PTPRO: variants seen among roughly 807,000 people sequenced by gnomAD.
PTPRO encodes the protein protein tyrosine phosphatase receptor type O, also known as receptor-type tyrosine-protein phosphatase O.
A neutral mutation model predicts 145.2 loss-of-function variants in PTPRO; 62 were observed. That is an observed-to-expected ratio of 0.43 (90% confidence interval 0.35 to 0.53). PTPRO has a LOEUF of 0.53. Ranked by LOEUF, PTPRO falls within the 20% of genes least tolerant of loss-of-function variation. The pLI is 0.01. For synonymous variants in PTPRO, 565 were observed against 514.7 expected (o/e 1.10, Z -1.32); for missense variants, 1,345 against 1,482.7 (o/e 0.91, Z 1.53).
chr12:15,454,201 A>G (rs1420095399), intron 1 of PTPRO, among the ~76,000 whole-genome samples: 2 of 152,168 alleles, frequency 1.3e-5, no homozygotes, highest in East Asian at 3.9e-4. Flanking sequence ...CAACAGGGTA[A>G]AAAGGTTCCA....
At chr12:15,499,789 G>A (rs1385812314) in intron 4 of PTPRO, among the ~76,000 whole-genome samples, 195 bp downstream of exon 4, 2 of 151,998 alleles carry the variant, frequency 1.3e-5, no homozygotes, top group African/African-American at 4.8e-5. Flanking sequence ...TCTAAAATAT[G>A]TCAATGTAAT....
chr12:15,571,890 T>G (rs2135616521), intron 19 of PTPRO, among the ~76,000 whole-genome samples: 1 of 152,348 alleles, frequency 6.6e-6, no homozygotes, highest in East Asian at 1.9e-4. Flanking sequence ...GCGATTAGCA[T>G]GCTATCTTTA....
chr12:15,528,078 G>A (rs918038761), intron 12 of PTPRO, among the ~76,000 whole-genome samples: 1 of 152,014 alleles, frequency 6.6e-6, no homozygotes, highest in Admixed American at 6.6e-5. Flanking sequence ...TGGAAAATAC[G>A]TTTGCTGAAC....
intron 12 of PTPRO, among the ~76,000 whole-genome samples, chr12:15,536,658 A>C (rs571981424): frequency 6.6e-6 from 1 of 152,180 alleles, no homozygotes; most frequent in East Asian, 1.9e-4. Flanking sequence ...GTGATAATAG[A>C]TTGTTCAGGG....
intron 1 of PTPRO, among the ~76,000 whole-genome samples, chr12:15,370,320 T>C (rs985415860): frequency 6.6e-6 from 1 of 152,132 alleles, no homozygotes; most frequent in African/African-American, 2.4e-5. Context: ...AGGTAGTAAA[T>C]ACAGCTGTTA....
chr12:15,468,771 C>G (rs766496830), intron 1 of PTPRO, among the ~76,000 whole-genome samples: 1 of 152,204 alleles, frequency 6.6e-6, no homozygotes, highest in Admixed American at 6.5e-5. Context: ...TTGTTAAAAA[C>G]TATCTGAAGT....
At chr12:15,496,694 T>C (rs1030852537) in intron 2 of PTPRO, among the ~76,000 whole-genome samples, 3 of 152,208 alleles carry the variant, frequency 2.0e-5, no homozygotes, top group Admixed American at 2.0e-4. Context: ...ACAAAACATA[T>C]GTTTTACAAC....
At chr12:15,547,412 C>T (rs1430257823) in intron 13 of PTPRO, among the ~76,000 whole-genome samples, 2 of 152,276 alleles carry the variant, frequency 1.3e-5, no homozygotes, top group Admixed American at 1.3e-4. Flanking sequence ...AGGAAAAGGA[C>T]AGATTTGTTA....
chr12:15,540,219 G>C (rs894344207), intron 12 of PTPRO, among the ~76,000 whole-genome samples: 1 of 152,194 alleles, frequency 6.6e-6, no homozygotes, highest in African/African-American at 2.4e-5. Context: ...CATTGCAGAT[G>C]CTTCCTTTGG....
intron 1 of PTPRO, among the ~76,000 whole-genome samples, chr12:15,404,046 A>C (rs1939576625): frequency 1.3e-5 from 2 of 151,812 alleles, no homozygotes; most frequent in African/African-American, 4.8e-5. Context: ...AATACAAAAA[A>C]ATAGCCGGGC....
chr12:15,392,720 C>CAAAAAAAAAAA (rs1177789187), intron 1 of PTPRO, among the ~76,000 whole-genome samples: 15 of 66,664 alleles, frequency 2.3e-4, no homozygotes, highest in East Asian at 9.7e-4. Context: ...GACCCTGTCT[C>CAAAAAAAAAAA]AAAAAAAAAA....
intron 1 of PTPRO, among the ~76,000 whole-genome samples, chr12:15,456,860 T>C (rs973028021): frequency 3.5e-4 from 53 of 152,214 alleles, no homozygotes; most frequent in Non-Finnish European, 7.3e-5. Context: ...ACAGTTATAC[T>C]ATTGGGGAAA....
In PTPRO at chr12:15,435,053, G is replaced by GC. The variant is rs1940557499; in HGVS notation, c.76-48916dup. Among the ~76,000 whole-genome samples, 3 of 152,090 alleles carry GC rather than the reference G, an allele frequency of 2.0e-5. No homozygotes were observed. In the South Asian group the frequency reaches 6.2e-4, roughly 32 times the overall value. On this transcript the variant is annotated intron_variant, in intron 1 of 26. Transcript: ENST00000281171. Reference sequence around the variant, plus strand: ...TGGTATAATTTTTAAAGACACCAGTGCCCCCTGTTTTTCCCTAACTTAGCA... The same window carrying GC: ...TGGTATAATTTTTAAAGACACCAGTGCCCCCCTGTTTTTCCCTAACTTAGCA...
chr12:15,351,112 T>C (rs1937789819), intron 1 of PTPRO, among the ~76,000 whole-genome samples: 3 of 152,156 alleles, frequency 2.0e-5, no homozygotes. Context: ...AGTTTTTGGA[T>C]TCAAAAACTT....
Position 15,546,706 on chromosome 12 carries a change from C to G in PTPRO, c.2302C>G (p.Gln768Glu), listed in dbSNP as rs372044614. ...QVGSSQKTKL[Q>E]EPVAVSSHVV... ...TGGCTCCAGTCAGAAAACCAAACTT[C>G]AGGTACTGTACCTTTTGATCTACCT... Residue 768 changes from glutamine to glutamate, a missense_variant and splice_region_variant, in exon 13 of 27, where the codon CAG becomes GAG. Coordinates refer to ENST00000281171, the MANE Select transcript of PTPRO (RefSeq NM_030667.3). 1.2e-6 allele frequency: 2 copies of G among 1,613,850 alleles called. No individual in the cohort carries two copies. Among genetic ancestry groups the G allele is most frequent in the African/African-American group, 1.3e-5 (1 of 74,920 alleles).
intron 1 of PTPRO, among the ~76,000 whole-genome samples, chr12:15,415,574 CG>C (rs1383094080): frequency 6.7e-6 from 1 of 148,606 alleles, no homozygotes; most frequent in South Asian, 2.1e-4. Context: ...TTAGTAGAGA[CG>C]GGGTTTCACT....
rs1397261683 is a variant in PTPRO at position 15,382,625 on chromosome 12, C to T, written c.75+59824C>T. Among the ~76,000 whole-genome samples, 4 of 152,318 alleles carry T rather than the reference C, an allele frequency of 2.6e-5. No homozygotes were observed. The East Asian group carries it at 5.8e-4, about 22-fold the overall frequency. On this transcript the variant is annotated intron_variant, in intron 1 of 26. Coordinates refer to ENST00000281171, the MANE Select transcript of PTPRO (RefSeq NM_030667.3). ...GGCACAGAGAATTATCTGATTCACT[C>T]TCCTTTAAAACAAAAGGCAATATAT...
At chr12:15,425,322 G>C (rs957599466) in intron 1 of PTPRO, among the ~76,000 whole-genome samples, 1 of 152,006 alleles carries the variant, frequency 6.6e-6, no homozygotes, top group Admixed American at 6.6e-5. Flanking sequence ...AATCCTATGG[G>C]GAAGGTATTA....
chr12:15,552,033 A>C (rs1943475716), intron 15 of PTPRO, among the ~76,000 whole-genome samples: 1 of 117,534 alleles, frequency 8.5e-6, no homozygotes, highest in Non-Finnish European at 1.6e-5. Flanking sequence ...GTTAATAAAA[A>C]TGGAGATGAC....
Sources: allele counts gnomAD v4.1 joint callset (sites outside exome capture counted in the v4.1 genomes callset), GRCh38; gene constraint gnomAD v4.1.1; transcripts MANE v1.5; gene names NCBI Gene and HGNC (gene_info 2026-07-23, HGNC 2026-07-21).